The following ITPR1 variants were observed in gnomAD, a reference collection of about 807,000 sequenced individuals.
ITPR1 encodes inositol 1,4,5-trisphosphate-gated calcium channel ITPR1.
In ITPR1, 96 loss-of-function variants were observed where a neutral mutation model predicts 318.4. The observed-to-expected ratio is 0.30, with a 90% CI of 0.26 to 0.36. The LOEUF (loss-of-function observed/expected upper bound fraction) is 0.36. Among genes scored for constraint, ITPR1 ranks in the 10% least tolerant of loss-of-function variants. The pLI is 1.00. For missense variants in ITPR1, 2,440 were observed against 3,460.2 expected, an observed-to-expected ratio of 0.71 and a Z score of 7.40; for synonymous variants, 1,312 against 1,289.9, an observed-to-expected ratio of 1.02 and a Z score of -0.37.
At chr3:4,520,981 A>G (rs1456769655) in intron 3 of ITPR1, 43 bp from the exon 4 acceptor site, 2 of 1,456,930 alleles carry the variant, frequency 1.4e-6, no homozygotes, top group Non-Finnish European at 1.9e-6. Context: ...TAAGAGTTTC[A>G]TTTTCATACA....
At chr3:4,569,404 C>A (rs186707327) in intron 4 of ITPR1, among the ~76,000 whole-genome samples, 1 of 152,106 alleles carries the variant, frequency 6.6e-6, no homozygotes, top group Non-Finnish European at 1.5e-5. Flanking sequence ...AAACAAAGGA[C>A]ATTTTATGTT....
At chr3:4,512,578 T>C (rs559824811) in intron 2 of ITPR1, among the ~76,000 whole-genome samples, 131 of 152,320 alleles carry the variant, frequency 8.6e-4, no homozygotes, top group African/African-American at 3.1e-3. Context: ...TTTGTTATGA[T>C]ACACATCTGA....
At chr3:4,757,398 A>G (rs1259043787) in intron 44 of ITPR1, among the ~76,000 whole-genome samples, 1 of 152,180 alleles carries the variant, frequency 6.6e-6, no homozygotes, top group Non-Finnish European at 1.5e-5. Flanking sequence ...ATTCGAATGC[A>G]TGTGTACCTT....
intron 39 of ITPR1, among the ~76,000 whole-genome samples, chr3:4,713,359 A>G (rs1274984076): frequency 1.3e-5 from 2 of 152,238 alleles, no homozygotes; most frequent in East Asian, 3.8e-4. Context: ...ATTTCTTTCC[A>G]TAACCGAGGT....
In ITPR1 at chr3:4,733,194, G is replaced by T. The variant is rs1348130821; in HGVS notation, c.5327G>T (p.Gly1776Val). 15 of 1,613,918 alleles carry T rather than the reference G, an allele frequency of 9.3e-6. No homozygotes were observed. The highest frequency in any genetic ancestry group is 1.2e-5 in the Non-Finnish European group (14 of 1,179,890). ...TTTGGCAATGGCCCACTGTCAGCAGGAGGACCCGGCAAGCCCGGGGGAGGA... is the reference window on the plus strand; with the variant it reads ...TTTGGCAATGGCCCACTGTCAGCAGTAGGACCCGGCAAGCCCGGGGGAGGA... ...TSFGNGPLSA[G>V]GPGKPGGGGG... Residue 1776 changes from glycine (G) to valine (V), a missense_variant, in exon 43 of 62, where the codon GGA becomes GTA. Coordinates refer to ENST00000649015, the MANE Select transcript of ITPR1 (RefSeq NM_001378452.1).
chr3:4,715,051 A>G (rs2041664303), intron 39 of ITPR1, among the ~76,000 whole-genome samples: 1 of 152,262 alleles, frequency 6.6e-6, no homozygotes, highest in African/African-American at 2.4e-5. Context: ...AGCCTCAGAG[A>G]TAGATACCAC....
At chr3:4,723,847 C>A (rs111226453) in intron 40 of ITPR1, among the ~76,000 whole-genome samples, 3 of 152,098 alleles carry the variant, frequency 2.0e-5, no homozygotes, top group African/African-American at 4.8e-5. Context: ...TATAATACTT[C>A]TGTCTATATC....
intron 4 of ITPR1, among the ~76,000 whole-genome samples, chr3:4,567,879 C>T (rs1051280111): frequency 1.3e-5 from 2 of 152,162 alleles, no homozygotes; most frequent in African/African-American, 4.8e-5. Context: ...GTGGGGGTTA[C>T]AGGTGTGAGC....
chr3:4,593,718 T>A (rs181085539), intron 4 of ITPR1, among the ~76,000 whole-genome samples: 4 of 152,286 alleles, frequency 2.6e-5, no homozygotes, highest in African/African-American at 9.6e-5. Flanking sequence ...TAAGACATGA[T>A]CAGATAAATG....
chr3:4,622,648 C>T (rs556219048), intron 4 of ITPR1, among the ~76,000 whole-genome samples: 7 of 152,262 alleles, frequency 4.6e-5, no homozygotes, highest in African/African-American at 1.4e-4. Context: ...CTCTTGACCT[C>T]GTGATCCTCC....
At chr3:4,660,888 A>C in intron 13 of ITPR1, 100 bp from the exon 14 acceptor site, 1 of 599,696 alleles carries the variant, frequency 1.7e-6, no homozygotes, top group Non-Finnish European at 2.8e-6. Flanking sequence ...GTAGGAAACC[A>C]CTTTGCTATT....
intron 60 of ITPR1, among the ~76,000 whole-genome samples, chr3:4,828,210 T>C (rs1464964534): frequency 1.4e-4 from 21 of 152,116 alleles, no homozygotes; most frequent in Admixed American, 1.4e-3. Context: ...ACAAACACAA[T>C]GCATTGTTGT....
chr3:4,808,793 A>C (rs990530475), intron 55 of ITPR1, among the ~76,000 whole-genome samples: 2 of 152,200 alleles, frequency 1.3e-5, no homozygotes, highest in South Asian at 4.1e-4. Context: ...GAGTTGGGAG[A>C]GCTCCCTCCA....
rs117813178 is a variant in ITPR1 at position 4,512,998 on chromosome 3, G to A, written c.-16-3478G>A. 2.4e-4 allele frequency among the ~76,000 whole-genome samples: 37 copies of A among 152,262 alleles called. No homozygotes were observed. The East Asian group carries it at 5.8e-3, about 24-fold the overall frequency. On this transcript the variant is annotated intron_variant, in intron 2 of 61. Transcript: ENST00000649015. ...TAAGTGTTTGAAGTTCCGCAGCTCC[G>A]TGGCAGGTTGGCGCCAGCTCTGTTT...
intron 52 of ITPR1, among the ~76,000 whole-genome samples, chr3:4,792,276 G>C (rs2047610222): frequency 6.6e-6 from 1 of 152,222 alleles, no homozygotes; most frequent in Non-Finnish European, 1.5e-5. Context: ...TGCTAGGTTA[G>C]GTAGCACATT....
intron 2 of ITPR1, among the ~76,000 whole-genome samples, chr3:4,511,046 A>T (rs1242682490): frequency 6.6e-6 from 1 of 152,050 alleles, no homozygotes; most frequent in Admixed American, 6.5e-5. Flanking sequence ...TTTTTGGTAC[A>T]TTGAGATGCC....
At chr3:4,627,638 T>A in intron 4 of ITPR1, 125 bp from the exon 5 acceptor site, 1 of 611,688 alleles carries the variant, frequency 1.6e-6, no homozygotes, top group South Asian at 2.0e-5. Flanking sequence ...CTTTGTACTC[T>A]CATTTTATAT....
At chr3:4,714,480 G>T (rs1214652201) in intron 39 of ITPR1, among the ~76,000 whole-genome samples, 1 of 152,118 alleles carries the variant, frequency 6.6e-6, no homozygotes, top group Non-Finnish European at 1.5e-5. Context: ...CCCTGGCATG[G>T]CTTCTTCCAA....
chr3:4,575,191 T>C (rs2088499309), intron 4 of ITPR1, among the ~76,000 whole-genome samples: 1 of 152,176 alleles, frequency 6.6e-6, no homozygotes, highest in Non-Finnish European at 1.5e-5. Context: ...GATCACACAG[T>C]CAACTTAGTG....
Sources: allele counts gnomAD v4.1 joint callset (sites outside exome capture counted in the v4.1 genomes callset), GRCh38; gene constraint gnomAD v4.1.1; transcripts MANE v1.5; gene names NCBI Gene and HGNC (gene_info 2026-07-23, HGNC 2026-07-21).